The following TBC1D1 variants were observed in gnomAD, a reference collection of about 807,000 sequenced individuals.
TBC1D1 encodes TBC1 (tre-2/USP6, BUB2, cdc16) domain family, member 1.
Under a neutral mutation model 125.6 loss-of-function variants are expected in TBC1D1, and 89 were observed. The observed-to-expected ratio is 0.71, with a 90% CI of 0.60 to 0.85. The LOEUF is 0.85. TBC1D1 is among the 40% of genes least tolerant of loss of function. The pLI is 0.00. For synonymous variants in TBC1D1, 565 were observed against 564.1 expected, an observed-to-expected ratio of 1.00 and a Z score of -0.02; for missense variants, 1,377 against 1,469.2, an observed-to-expected ratio of 0.94 and a Z score of 1.03.
chr4:37,976,552 G>A (rs886122895), intron 2 of TBC1D1, among the ~76,000 whole-genome samples: 1 of 152,216 alleles, frequency 6.6e-6, no homozygotes, highest in African/African-American at 2.4e-5. Context: ...GAAAAGAGAA[G>A]CAGAATTCTT....
At chr4:37,953,242 G>A (rs993952967) in intron 2 of TBC1D1, among the ~76,000 whole-genome samples, 1 of 152,210 alleles carries the variant, frequency 6.6e-6, no homozygotes, top group Admixed American at 6.5e-5. Flanking sequence ...GAATTTCTTG[G>A]ACAGATAAGA....
chr4:37,988,270 T>C (rs1192994397), intron 2 of TBC1D1, among the ~76,000 whole-genome samples: 2 of 152,242 alleles, frequency 1.3e-5, no homozygotes, highest in Admixed American at 6.5e-5. Flanking sequence ...AAATGATTGC[T>C]ACAGTTGTAT....
At chr4:38,069,600 A>T (rs1347723642) in intron 12 of TBC1D1, among the ~76,000 whole-genome samples, 2 of 152,146 alleles carry the variant, frequency 1.3e-5, no homozygotes, top group African/African-American at 4.8e-5. Context: ...TATTCTGCAC[A>T]CCAGCTCACC....
At chr4:37,938,446 A>G (rs773840241) in intron 2 of TBC1D1, among the ~76,000 whole-genome samples, 1 of 152,186 alleles carries the variant, frequency 6.6e-6, no homozygotes, top group Non-Finnish European at 1.5e-5. Context: ...CAAACATAAG[A>G]CACTTTGATA....
At chr4:38,076,960 A>T (rs1755701301) in intron 12 of TBC1D1, among the ~76,000 whole-genome samples, 1 of 152,028 alleles carries the variant, frequency 6.6e-6, no homozygotes, top group South Asian at 2.1e-4. Context: ...CTCTCCTTCC[A>T]CAGTGGAGCT....
chr4:38,025,670 ATG>A (rs1744935131), intron 6 of TBC1D1, among the ~76,000 whole-genome samples: 4 of 152,250 alleles, frequency 2.6e-5, no homozygotes, highest in Admixed American at 2.6e-4. Flanking sequence ...TTTCCAAAAT[ATG>A]ATACTTCGGC....
intron 2 of TBC1D1, among the ~76,000 whole-genome samples, chr4:37,912,294 A>G (rs1004701702): frequency 6.6e-6 from 1 of 152,212 alleles, no homozygotes; most frequent in African/African-American, 2.4e-5. Context: ...TTAAAGGACT[A>G]CTGGCAGTTT....
intron 2 of TBC1D1, chr4:38,006,694 T>A (rs1298390554): frequency 6.7e-6 from 2 of 299,536 alleles, no homozygotes; most frequent in South Asian, 3.3e-5. Flanking sequence ...TTAGCCAGGA[T>A]GGGCTCAATC....
intron 14 of TBC1D1, among the ~76,000 whole-genome samples, chr4:38,100,830 A>C (rs1385176828): frequency 1.3e-5 from 2 of 152,210 alleles, no homozygotes; most frequent in South Asian, 2.1e-4. Context: ...ATTTGGTTCA[A>C]ATCCACAGAT....
chr4:38,029,339 T>TA (rs909688819), intron 7 of TBC1D1, among the ~76,000 whole-genome samples: 97 of 152,050 alleles, frequency 6.4e-4, no homozygotes, highest in South Asian at 1.0e-3. Flanking sequence ...TCTGTTAGTG[T>TA]AAAAAAAATG....
chr4:38,015,939 T>C (rs1742619903), intron 3 of TBC1D1, among the ~76,000 whole-genome samples: 1 of 152,164 alleles, frequency 6.6e-6, no homozygotes, highest in South Asian at 2.1e-4. Context: ...AGTAGTCAGA[T>C]TTGTGCTTTA....
At chr4:38,067,743 CT>C (rs1753986370) in intron 12 of TBC1D1, among the ~76,000 whole-genome samples, 1 of 152,304 alleles carries the variant, frequency 6.6e-6, no homozygotes, top group African/African-American at 2.4e-5. Context: ...GGCTCAGCCC[CT>C]GGTGCAGGTC....
At position 37,902,707 on chromosome 4, in the gene TBC1D1, A is replaced by C. The variant is rs972418551; in HGVS notation, c.417+195A>C. Among the ~76,000 whole-genome samples, 3 of 152,260 alleles carry C rather than the reference A, an allele frequency of 2.0e-5. No homozygotes were observed. In the East Asian group the frequency reaches 5.8e-4, roughly 29 times the overall value. ...AAGCACATTTGAAAACAGATACGAG[A>C]AATTATCAGTTTTTGAGTTCAAAAA... On this transcript the variant is annotated intron_variant, in intron 2 of 19. Transcript: ENST00000261439.
intron 15 of TBC1D1, among the ~76,000 whole-genome samples, chr4:38,115,257 C>T (rs1028123538): frequency 1.3e-5 from 2 of 152,110 alleles, no homozygotes; most frequent in East Asian, 1.9e-4. Context: ...CCTGCCACCA[C>T]GCCTGACTAA....
At chr4:38,073,532 C>G (rs1238877823) in intron 12 of TBC1D1, among the ~76,000 whole-genome samples, 1 of 152,166 alleles carries the variant, frequency 6.6e-6, no homozygotes, top group East Asian at 1.9e-4. Flanking sequence ...GGGGAAATGT[C>G]TTTTCAAGTC....
At chr4:38,060,032 A>G (rs1413079764) in intron 12 of TBC1D1, among the ~76,000 whole-genome samples, 1 of 152,200 alleles carries the variant, frequency 6.6e-6, no homozygotes, top group African/African-American at 2.4e-5. Context: ...AGCTTCATCC[A>G]TGTCCCTGCA....
At chr4:37,920,225 C>T (rs544999021) in intron 2 of TBC1D1, among the ~76,000 whole-genome samples, 30 of 152,216 alleles carry the variant, frequency 2.0e-4, no homozygotes, top group African/African-American at 6.0e-4. Context: ...ACTTAGAGTC[C>T]GGTGGGCCCT....
intron 12 of TBC1D1, among the ~76,000 whole-genome samples, chr4:38,076,396 C>G (rs1480333837): frequency 6.6e-6 from 1 of 152,142 alleles, no homozygotes; most frequent in African/African-American, 2.4e-5. Flanking sequence ...GGTGACATAG[C>G]CAAACCACAT....
chr4:38,106,832 G>A (rs745715601), intron 15 of TBC1D1, among the ~76,000 whole-genome samples: 5 of 152,166 alleles, frequency 3.3e-5, no homozygotes, highest in Admixed American at 6.5e-5. Flanking sequence ...GGCACTGTGT[G>A]TGCCTGAGCC....
Sources: gnomAD v4.1 joint callset for allele counts (sites outside exome capture counted in the v4.1 genomes callset) on GRCh38, gnomAD v4.1.1 for gene constraint, MANE v1.5 for transcripts, NCBI Gene and HGNC (gene_info 2026-07-23, HGNC 2026-07-21) for gene names.